TASP1: variants seen among roughly 807,000 people sequenced by gnomAD.
TASP1 encodes threonine aspartase 1.
TASP1 carries 16 observed loss-of-function variants against 56.6 expected under a neutral mutation model. That is an observed-to-expected ratio of 0.28 (90% CI 0.19 to 0.43). The LOEUF (loss-of-function observed/expected upper bound fraction) is 0.43, where lower values mean the gene tolerates loss of function less well. Among genes scored for constraint, TASP1 ranks in the 20% least tolerant of loss-of-function variants. The pLI is 1.00. For missense variants in TASP1, 393 were observed against 511.6 expected (o/e 0.77, Z 2.24); for synonymous variants, 179 against 184.2 (o/e 0.97, Z 0.23).
At chr20:13,167,567 G>C in the TASP1 span, 4 of 152,204 alleles carry the variant, frequency 2.6e-5, no homozygotes, top group Non-Finnish European at 4.4e-5. Flanking sequence ...CCTCAGGAAA[G>C]CAGAAGATAA....
the TASP1 span, among the ~76,000 whole-genome samples, chr20:13,341,606 C>T: frequency 6.6e-6 from 1 of 152,182 alleles, no homozygotes; most frequent in Admixed American, 6.5e-5. Context: ...TAATAGGATT[C>T]AACAAACATT....
intron 11 of TASP1, among the ~76,000 whole-genome samples, chr20:13,455,064 A>T (rs983816347): frequency 7.2e-5 from 11 of 152,182 alleles, no homozygotes; most frequent in Non-Finnish European, 1.5e-4. Context: ...TCTAATAAAT[A>T]AAACAAAAAT....
the TASP1 span, among the ~76,000 whole-genome samples, chr20:13,191,514 A>C: frequency 2.0e-5 from 3 of 152,236 alleles, no homozygotes; most frequent in Admixed American, 2.0e-4. Context: ...GCGTGTTCTC[A>C]TTCATATGTG....
chr20:13,111,554 G>A, the TASP1 span, among the ~76,000 whole-genome samples: 4 of 152,270 alleles, frequency 2.6e-5, no homozygotes, highest in South Asian at 2.1e-4. Flanking sequence ...CTGACAACTC[G>A]TAGGCCTTAA....
At chr20:13,341,152 A>G in the TASP1 span, among the ~76,000 whole-genome samples, 1 of 152,214 alleles carries the variant, frequency 6.6e-6, no homozygotes, top group Non-Finnish European at 1.5e-5. Context: ...ACCAAGACTG[A>G]GCATAGAGTT....
the TASP1 span, among the ~76,000 whole-genome samples, chr20:13,377,134 G>T: frequency 8.5e-5 from 13 of 152,258 alleles, no homozygotes; most frequent in Admixed American, 2.0e-4. Flanking sequence ...GGTGAGAGCG[G>T]GCATGCTTGT....
At chr20:13,170,717 A>G in the TASP1 span, among the ~76,000 whole-genome samples, 1 of 152,126 alleles carries the variant, frequency 6.6e-6, no homozygotes, top group East Asian at 1.9e-4. Context: ...ATCTTTCTTA[A>G]TTAGGTTTGG....
At chr20:13,463,683 T>C (rs770596367) in intron 11 of TASP1, among the ~76,000 whole-genome samples, 1 of 151,988 alleles carries the variant, frequency 6.6e-6, no homozygotes, top group Non-Finnish European at 1.5e-5. Flanking sequence ...AATCAAAAAG[T>C]GGGCAAAGGA....
intron 11 of TASP1, among the ~76,000 whole-genome samples, chr20:13,442,874 G>C (rs2043272258): frequency 6.6e-6 from 1 of 152,040 alleles, no homozygotes; most frequent in Non-Finnish European, 1.5e-5. Flanking sequence ...CATGGTGCCG[G>C]AAAAACACTA....
chr20:13,546,764 T>C (rs552570599), intron 8 of TASP1, among the ~76,000 whole-genome samples: 35 of 152,282 alleles, frequency 2.3e-4, no homozygotes, highest in Admixed American at 2.1e-3. Context: ...GAATGGCCAG[T>C]GGAGATTGTG....
rs1600185339 is a variant in TASP1, at chr20:13,620,261, T to C, written c.282+3185A>G. On this transcript the variant is annotated intron_variant, in intron 4 of 13. Coordinates refer to ENST00000337743, the MANE Select transcript of TASP1 (RefSeq NM_017714.3). Reference sequence around the variant, plus strand: ...TCTGTGTGTGTGTGTGTCTCTGTGGTATTTACACACACACACACACACACA... The same window carrying C: ...TCTGTGTGTGTGTGTGTCTCTGTGGCATTTACACACACACACACACACACA... Among the ~76,000 whole-genome samples the C allele has an allele frequency of 4.4e-5, 5 of 114,932 alleles. No homozygotes were observed. The South Asian group carries it at 1.0e-3, about 23-fold the overall frequency. 75.4% of individuals were successfully genotyped at this position (114,932 alleles called of 152,430 possible).
intron 8 of TASP1, among the ~76,000 whole-genome samples, chr20:13,549,788 C>T (rs2045919751): frequency 6.6e-6 from 1 of 151,870 alleles, no homozygotes; most frequent in African/African-American, 2.4e-5. Flanking sequence ...AGAAATGTTC[C>T]TTTTTTCCCT....
At chr20:13,283,564 T>A in the TASP1 span, among the ~76,000 whole-genome samples, 2 of 152,184 alleles carry the variant, frequency 1.3e-5, no homozygotes, top group Non-Finnish European at 2.9e-5. Context: ...ACCCCACTTG[T>A]GATGATGAAA....
At chr20:13,247,730 G>T in the TASP1 span, among the ~76,000 whole-genome samples, 1 of 152,158 alleles carries the variant, frequency 6.6e-6, no homozygotes, top group East Asian at 1.9e-4. Context: ...TCATAAAGGA[G>T]AGGAAACCTG....
At chr20:13,553,471 C>T (rs1366053482) in intron 8 of TASP1, among the ~76,000 whole-genome samples, 1 of 152,058 alleles carries the variant, frequency 6.6e-6, no homozygotes, top group Non-Finnish European at 1.5e-5. Context: ...AACTTAAGGA[C>T]TACTATTTTT....
the TASP1 span, among the ~76,000 whole-genome samples, chr20:13,251,855 G>A: frequency 3.3e-5 from 5 of 152,156 alleles, no homozygotes; most frequent in South Asian, 1.0e-3. Context: ...CGAACTCTTA[G>A]TAACTGAATA....
the TASP1 span, among the ~76,000 whole-genome samples, chr20:13,305,426 G>T: frequency 6.6e-6 from 1 of 152,086 alleles, no homozygotes; most frequent in East Asian, 1.9e-4. Context: ...ATTCCATCCC[G>T]ACACACAAAG....
the TASP1 span, chr20:13,221,957 G>C: frequency 7.7e-6 from 10 of 1,304,246 alleles, no homozygotes; most frequent in Non-Finnish European, 9.7e-6. Context: ...CTGCGGGGAC[G>C]GTTTGTGGGG....
chr20:13,208,661 C>T, the TASP1 span, among the ~76,000 whole-genome samples: 2 of 152,202 alleles, frequency 1.3e-5, no homozygotes, highest in East Asian at 3.8e-4. Context: ...ATCTCACAAA[C>T]TTCCATTCTC....
Sources: allele counts gnomAD v4.1 joint callset (sites outside exome capture counted in the v4.1 genomes callset), GRCh38; gene constraint gnomAD v4.1.1; transcripts MANE v1.5; gene names NCBI Gene and HGNC (gene_info 2026-07-23, HGNC 2026-07-21).